PARD3B: variants seen among roughly 807,000 people sequenced by gnomAD.
The protein encoded by PARD3B is par-3 family cell polarity regulator beta, also known as partitioning defective 3 homolog B.
A neutral mutation model predicts 130.2 loss-of-function variants in PARD3B; 103 were observed. That is an observed-to-expected ratio of 0.79 (90% CI 0.67 to 0.93). The LOEUF (loss-of-function observed/expected upper bound fraction) is 0.93. PARD3B is among the 40% of genes least tolerant of loss of function. The pLI is 0.00. For missense variants in PARD3B, 1,609 were observed against 1,499.2 expected (o/e 1.07, Z -1.21); for synonymous variants, 583 against 553.2 (o/e 1.05, Z -0.76).
chr2:205,054,611 A>G lies in PARD3B; in HGVS notation c.504+6921A>G, dbSNP rs563153610. ...CCCTTTCCCTTCCCCGCACCCCACA[A>G]CAGGCCCCGGTGTGTGGTGTTCCCC... On this transcript the variant is annotated intron_variant, in intron 4 of 22. Coordinates refer to ENST00000406610, the MANE Select transcript of PARD3B (RefSeq NM_001302769.2). Among the ~76,000 whole-genome samples the G allele has an allele frequency of 1.3e-3, 190 of 150,808 alleles. 1 individual carries two copies. Among genetic ancestry groups the G allele is most frequent in the African/African-American group, 4.4e-3 (180 of 41,078 alleles).
Position 205,292,709 on chromosome 2 carries a change from A to C in PARD3B, c.2186-7821A>C, listed in dbSNP as rs2041653298. ...TGCCCATCCTCCCACCTTTTTTTCT[A>C]GTTTTCTCTCATCATGAACATACAG... On this transcript the variant is annotated intron_variant, in intron 16 of 22. Transcript: ENST00000406610. This position sits in a 1 kb window ranked among gnomAD's most constrained non-coding sequence, Gnocchi z 5.3. 6.6e-6 allele frequency among the ~76,000 whole-genome samples: 1 copy of C among 152,074 alleles called. No homozygotes were observed. The highest frequency in any genetic ancestry group is 1.5e-5 in the Non-Finnish European group (1 of 68,012).
intron 3 of PARD3B, among the ~76,000 whole-genome samples, chr2:204,991,425 C>T (rs13396828): frequency 0.016 from 2,293 of 142,464 alleles, 35 homozygotes; most frequent in African/African-American, 0.037. Context: ...TTTATGGCTG[C>T]ATAGTATTCC....
chr2:204,778,606 C>A (rs1433398618), intron 2 of PARD3B, among the ~76,000 whole-genome samples: 2 of 152,096 alleles, frequency 1.3e-5, no homozygotes, highest in Non-Finnish European at 2.9e-5. Context: ...TAAGTGACTT[C>A]ATAAAACTAG....
At chr2:204,688,054 A>G (rs925406769) in intron 2 of PARD3B, among the ~76,000 whole-genome samples, 14 of 152,108 alleles carry the variant, frequency 9.2e-5, no homozygotes, top group Non-Finnish European at 1.9e-4. Context: ...GCTTTATTAT[A>G]TGTAATCTCT....
At chr2:205,322,999 C>G (rs1003985176) in intron 18 of PARD3B, among the ~76,000 whole-genome samples, 2 of 139,842 alleles carry the variant, frequency 1.4e-5, no homozygotes, top group East Asian at 2.2e-4. Context: ...CAGTTTCCGC[C>G]TCCTGGGTTC....
chr2:205,104,167 G>T (rs1004948171), intron 4 of PARD3B, among the ~76,000 whole-genome samples: 6 of 152,174 alleles, frequency 3.9e-5, no homozygotes, highest in Non-Finnish European at 8.8e-5. Context: ...TGAGTAGCAA[G>T]AAGCTAAATG....
intron 2 of PARD3B, among the ~76,000 whole-genome samples, chr2:204,921,151 G>A (rs1423099299): frequency 6.6e-6 from 1 of 152,138 alleles, no homozygotes; most frequent in Non-Finnish European, 1.5e-5. Context: ...TTACAAACCT[G>A]AGACTATGTA....
intron 2 of PARD3B, among the ~76,000 whole-genome samples, chr2:204,687,460 G>A (rs562432796): frequency 6.6e-6 from 1 of 152,154 alleles, no homozygotes; most frequent in South Asian, 2.1e-4. Flanking sequence ...ATGGACTTGG[G>A]AGATTTTTAT....
chr2:205,500,664 G>T (rs942102349), intron 21 of PARD3B, among the ~76,000 whole-genome samples: 1 of 152,184 alleles, frequency 6.6e-6, no homozygotes, highest in Admixed American at 6.5e-5. Flanking sequence ...CCTACAAGAT[G>T]TACTTAACTC....
intron 2 of PARD3B, among the ~76,000 whole-genome samples, chr2:204,819,694 AAGTTCTCG>A (rs1470784907): frequency 6.6e-6 from 1 of 152,204 alleles, no homozygotes; most frequent in Non-Finnish European, 1.5e-5. Context: ...TGCATAGATA[AAGTTCTCG>A]AAGGAAATTA....
chr2:204,713,110 A>G (rs1157221601), intron 2 of PARD3B, among the ~76,000 whole-genome samples: 3 of 152,032 alleles, frequency 2.0e-5, no homozygotes, highest in Non-Finnish European at 2.9e-5. Context: ...GTTGAAGGAC[A>G]TTGGGCTGTA....
At chr2:205,134,913 G>A (rs1303196417) in intron 10 of PARD3B, among the ~76,000 whole-genome samples, 1 of 151,286 alleles carries the variant, frequency 6.6e-6, no homozygotes, top group Non-Finnish European at 1.5e-5. Context: ...AGATTGGAAG[G>A]TAGTGGAAGG....
In PARD3B at chr2:205,125,072, C is replaced by T. The variant is rs1359614505; in HGVS notation, c.1306-537C>T. ...GCAAACATCTTCATTAAAAGCAACACTTTAGCTTTTCATGTTGTTCTAGAT... is the reference window on the plus strand; with the variant it reads ...GCAAACATCTTCATTAAAAGCAACATTTTAGCTTTTCATGTTGTTCTAGAT... On this transcript the variant is annotated intron_variant, in intron 9 of 22. Coordinates refer to ENST00000406610, the MANE Select transcript of PARD3B (RefSeq NM_001302769.2). The surrounding 1 kb of genome is among the most constrained non-coding windows in gnomAD (Gnocchi z 4.0). Among the ~76,000 whole-genome samples the T allele has an allele frequency of 6.6e-6, 1 of 152,212 alleles. No individual in the cohort carries two copies. The highest frequency in any genetic ancestry group is 1.5e-5 in the Non-Finnish European group (1 of 68,028).
At chr2:205,047,822 A>G (rs1698907938) in intron 4 of PARD3B, 132 bp downstream of exon 4, 2 of 600,400 alleles carry the variant, frequency 3.3e-6, no homozygotes, top group Admixed American at 3.2e-5. Flanking sequence ...AGTATTAGTT[A>G]TACTAATAGC....
intron 18 of PARD3B, among the ~76,000 whole-genome samples, chr2:205,349,281 A>G (rs2043905570): frequency 6.6e-6 from 1 of 152,174 alleles, no homozygotes; most frequent in South Asian, 2.1e-4. Flanking sequence ...TGCAAAATGT[A>G]TCATAGGTAC....
Position 205,513,629 on chromosome 2 carries a change from T to C in PARD3B, c.3180+13598T>C, listed in dbSNP as rs547319367. ...ATGTTCTGTCACTTTGGCCCCAGGA[T>C]TGGAGAACAGAATTTCAAAATGTGT... On this transcript the variant is annotated intron_variant, in intron 21 of 22. Transcript: ENST00000406610. Among the ~76,000 whole-genome samples, 4 of 152,182 alleles carry C rather than the reference T, an allele frequency of 2.6e-5. No individual in the cohort carries two copies. The East Asian group carries it at 5.8e-4, about 22-fold the overall frequency.
intron 2 of PARD3B, among the ~76,000 whole-genome samples, chr2:204,731,929 C>T (rs2039526999): frequency 6.6e-6 from 1 of 151,994 alleles, no homozygotes; most frequent in Admixed American, 6.6e-5. Flanking sequence ...CCCGTTTTAG[C>T]TCATCAAAAT....
rs2042000509 is a variant in PARD3B, at chr2:205,301,581, CG to C, written c.2511del (p.Glu839ArgfsTer11). 1 of 1,612,608 alleles carries C rather than the reference CG, an allele frequency of 6.2e-7. No homozygotes were observed. On this transcript the variant is annotated frameshift_variant, in exon 18 of 23. Transcript: ENST00000406610. LOFTEE classifies it high-confidence loss of function. This position sits in a 1 kb window ranked among gnomAD's most constrained non-coding sequence, Gnocchi z 5.2. Reference sequence around the variant, plus strand: ...AATAAAGCCAGGAAAGTCAAAAAAACGAAAGAGAAGGAGAAGAAAAAGGAAA... The same window carrying C: ...AATAAAGCCAGGAAAGTCAAAAAAACAAAGAGAAGGAGAAGAAAAAGGAAA... ...MENKARKVKK[T>X]KEKEKKKEKG...
chr2:204,902,564 G>A (rs2046902099), intron 2 of PARD3B, among the ~76,000 whole-genome samples: 1 of 151,516 alleles, frequency 6.6e-6, no homozygotes, highest in African/African-American at 2.4e-5. Flanking sequence ...AGCTGCTCGG[G>A]AGGCTGAGGC....
Sources: allele counts gnomAD v4.1 joint callset (sites outside exome capture counted in the v4.1 genomes callset), GRCh38; gene constraint gnomAD v4.1.1; non-coding constraint Gnocchi (gnomAD v3.1); transcripts MANE v1.5; gene names NCBI Gene and HGNC (gene_info 2026-07-23, HGNC 2026-07-21).